The following SMIM13 variants were observed in gnomAD, a reference collection of about 807,000 sequenced individuals.
The protein encoded by SMIM13 is small integral membrane protein 13.
SMIM13 carries 3 observed loss-of-function variants against 5.9 expected under a neutral mutation model. The observed-to-expected ratio is 0.51, with a 90% CI of 0.23 to 1.31. The LOEUF (loss-of-function observed/expected upper bound fraction) is 1.31. Ranked by LOEUF, SMIM13 falls within the 40% of genes most tolerant of loss-of-function variation. The probability of loss-of-function intolerance (pLI) is 0.18; values close to 1 mark genes in which losing one functional copy is unlikely to be tolerated. For missense variants in SMIM13, 85 were observed against 109.9 expected, an observed-to-expected ratio of 0.77 and a Z score of 1.01; for synonymous variants, 55 against 46.0, an observed-to-expected ratio of 1.19 and a Z score of -0.79.
At chr6:11,117,148 G>A (rs1459042650) in intron 1 of SMIM13, among the ~76,000 whole-genome samples, 8 of 145,966 alleles carry the variant, frequency 5.5e-5, no homozygotes, top group South Asian at 4.3e-4. Context: ...CTGCCACCAC[G>A]CCCGGCTAAT....
chr6:11,119,035 T>C (rs1010543779), intron 1 of SMIM13, among the ~76,000 whole-genome samples: 2 of 152,132 alleles, frequency 1.3e-5, no homozygotes, highest in African/African-American at 2.4e-5. Flanking sequence ...GATACAAGGA[T>C]GTGATCTAGG....
At chr6:11,102,829 G>T (rs58680949) in intron 1 of SMIM13, 2 of 152,092 alleles carry the variant, frequency 1.3e-5, no homozygotes, top group African/African-American at 4.8e-5. Context: ...GAATTTGGCC[G>T]GGGAGGCGTA....
At chr6:11,122,531 T>C (rs1318751863) in intron 1 of SMIM13, among the ~76,000 whole-genome samples, 1 of 151,544 alleles carries the variant, frequency 6.6e-6, no homozygotes, top group Non-Finnish European at 1.5e-5. Flanking sequence ...GTCAGGCCTG[T>C]GACCTTTTTG....
chr6:11,098,619 G>A (rs965474312), intron 1 of SMIM13, among the ~76,000 whole-genome samples: 1 of 152,116 alleles, frequency 6.6e-6, no homozygotes, highest in African/African-American at 2.4e-5. Flanking sequence ...TTTTAGTAGT[G>A]ACGGGGTTTC....
At chr6:11,098,825 C>T (rs1314040603) in intron 1 of SMIM13, among the ~76,000 whole-genome samples, 1 of 152,030 alleles carries the variant, frequency 6.6e-6, no homozygotes, top group Admixed American at 6.6e-5. Flanking sequence ...CTTCTCATTC[C>T]CTAGAATTTT....
intron 1 of SMIM13, among the ~76,000 whole-genome samples, chr6:11,116,519 A>C (rs1265603062): frequency 6.6e-6 from 1 of 152,220 alleles, no homozygotes; most frequent in East Asian, 1.9e-4. Context: ...TTTCAACTAC[A>C]AATTCTGTTT....
intron 1 of SMIM13, among the ~76,000 whole-genome samples, chr6:11,098,497 A>G (rs538193507): frequency 6.6e-6 from 1 of 152,136 alleles, no homozygotes; most frequent in Non-Finnish European, 1.5e-5. Context: ...CAGTGGTGCA[A>G]TCTTGGTTCA....
At chr6:11,099,838 C>A (rs1448503527) in intron 1 of SMIM13, among the ~76,000 whole-genome samples, 3 of 152,090 alleles carry the variant, frequency 2.0e-5, no homozygotes, top group Non-Finnish European at 2.9e-5. Flanking sequence ...GTGGTAGATG[C>A]TCCATCCATT....
At chr6:11,118,994 A>G (rs1284734109) in intron 1 of SMIM13, among the ~76,000 whole-genome samples, 2 of 152,224 alleles carry the variant, frequency 1.3e-5, no homozygotes, top group African/African-American at 2.4e-5. Flanking sequence ...CCTCTGAGAT[A>G]TAAGAAATTA....
intron 1 of SMIM13, among the ~76,000 whole-genome samples, chr6:11,116,261 C>T (rs886894189): frequency 7.9e-5 from 12 of 152,120 alleles, no homozygotes; most frequent in Admixed American, 1.3e-4. Flanking sequence ...TCAGGTGATC[C>T]GCCCACCTCA....
chr6:11,094,772 G>T lies in SMIM13; in HGVS notation c.76+383G>T, dbSNP rs1297223167. ...GCACAGATTCTGACCTTAATAATGA[G>T]AGGTGTCACCTTCGTTTCATCAGCG... On this transcript the variant is annotated intron_variant, in intron 1 of 1. Transcript: ENST00000416247. Among the ~76,000 whole-genome samples, 10 of 152,168 alleles carry T rather than the reference G, an allele frequency of 6.6e-5. No individual in the cohort carries two copies. In the East Asian group the frequency reaches 1.9e-3, roughly 29 times the overall value.
chr6:11,127,790 G>A (rs1581920805), intron 1 of SMIM13, among the ~76,000 whole-genome samples: 1 of 152,218 alleles, frequency 6.6e-6, no homozygotes, highest in South Asian at 2.1e-4. Context: ...GAGTATTTGT[G>A]TGGGGACACA....
intron 1 of SMIM13, among the ~76,000 whole-genome samples, chr6:11,130,253 T>TA (rs35012412): frequency 0.012 from 1,749 of 140,030 alleles, 7 homozygotes; most frequent in Middle Eastern, 0.03. Context: ...GTAGTCATTG[T>TA]AAAAAAAAAA....
chr6:11,099,112 A>T lies in SMIM13; in HGVS notation c.76+4723A>T, dbSNP rs112801610. ...TCCTAGAGATTTAAATGTCTGCTCT[A>T]GCTAATGACTCAAAAATTTGTTTCT... is the stretch of plus-strand genomic sequence containing the variant. On this transcript the variant is annotated intron_variant, in intron 1 of 1. Coordinates refer to ENST00000416247, the MANE Select transcript of SMIM13 (RefSeq NM_001135575.2). Among the ~76,000 whole-genome samples, 790 of 152,160 alleles carry T rather than the reference A, an allele frequency of 5.2e-3. 9 individuals are homozygous for T. Among genetic ancestry groups the T allele is most frequent in the African/African-American group, 0.018 (755 of 41,502 alleles).
chr6:11,128,170 C>T (rs1455475738), intron 1 of SMIM13, among the ~76,000 whole-genome samples: 2 of 152,178 alleles, frequency 1.3e-5, no homozygotes, highest in African/African-American at 4.8e-5. Flanking sequence ...TCAAGGCCCT[C>T]AGTAAGTACT....
At chr6:11,116,008 C>CT (rs35527082) in intron 1 of SMIM13, among the ~76,000 whole-genome samples, 1,073 of 78,520 alleles carry the variant, frequency 0.014, 115 homozygotes, top group East Asian at 0.073. Flanking sequence ...CTTCCTTCCT[C>CT]TTTTTTTTTT....
intron 1 of SMIM13, among the ~76,000 whole-genome samples, chr6:11,132,054 A>G (rs1364832057): frequency 6.6e-6 from 1 of 152,180 alleles, no homozygotes; most frequent in Non-Finnish European, 1.5e-5. Flanking sequence ...GAATATACTA[A>G]GAACTCTTAC....
chr6:11,129,896 G>A (rs1758429146), intron 1 of SMIM13, among the ~76,000 whole-genome samples: 2 of 151,998 alleles, frequency 1.3e-5, no homozygotes, highest in South Asian at 4.2e-4. Context: ...TATTCCTTGG[G>A]GCTTTAATAA....
At position 11,134,849 on chromosome 6, in the gene SMIM13, G is replaced by T; in HGVS notation, c.*247G>T. 1 of 296,164 alleles carries T rather than the reference G, an allele frequency of 3.4e-6. No homozygotes were observed. The highest frequency in any genetic ancestry group is 1.3e-4 in the South Asian group (1 of 7,680). 18.3% of individuals were successfully genotyped at this position (296,164 alleles called of 1,614,324 possible). On this transcript the variant is annotated 3_prime_UTR_variant, in exon 2 of 2. Transcript: ENST00000416247. The stretch of plus-strand genomic sequence containing the variant: ...TTATACACTTATTCCTTGGCTTTTG[G>T]GCTTATTTTCTTGCACTGGTGCAGA...
Sources: gnomAD v4.1 joint callset for allele counts (sites outside exome capture counted in the v4.1 genomes callset) on GRCh38, gnomAD v4.1.1 for gene constraint, MANE v1.5 for transcripts, NCBI Gene and HGNC (gene_info 2026-07-23, HGNC 2026-07-21) for gene names.